TSPAN2: variants seen among roughly 807,000 people sequenced by gnomAD.
The protein encoded by TSPAN2 is tetraspanin-2.
Under a neutral mutation model 33.3 loss-of-function variants are expected in TSPAN2, and 24 were observed. That is an observed-to-expected ratio of 0.72 (90% CI 0.52 to 1.01). TSPAN2 has a LOEUF of 1.01. Among genes scored for constraint, TSPAN2 ranks in the 50% least tolerant of loss-of-function variants. The probability of loss-of-function intolerance (pLI) is 0.00; values close to 1 mark genes in which losing one functional copy is unlikely to be tolerated. For missense variants in TSPAN2, 278 were observed against 281.3 expected (o/e 0.99, Z 0.08); for synonymous variants, 114 against 104.5 (o/e 1.09, Z -0.56).
intron 2 of TSPAN2, among the ~76,000 whole-genome samples, chr1:115,068,381 C>T (rs1286898406): frequency 6.6e-6 from 1 of 152,236 alleles, no homozygotes; most frequent in East Asian, 1.9e-4. Flanking sequence ...CAAAGTCTGG[C>T]AGTCATCTAC....
At chr1:115,072,388 T>G (rs1324362818) in intron 2 of TSPAN2, among the ~76,000 whole-genome samples, 2 of 152,144 alleles carry the variant, frequency 1.3e-5, no homozygotes, top group Non-Finnish European at 2.9e-5. Flanking sequence ...ATGGAGAGAC[T>G]GAGATTAGCA....
At chr1:115,074,735 G>A (rs1268995093) in intron 1 of TSPAN2, among the ~76,000 whole-genome samples, 5 of 152,204 alleles carry the variant, frequency 3.3e-5, no homozygotes, top group Admixed American at 1.3e-4. Flanking sequence ...AGTGTTACAC[G>A]GTAGTTTCTA....
intron 1 of TSPAN2, 143 bp from the exon 2 acceptor site, chr1:115,073,150 A>C: frequency 1.4e-6 from 1 of 699,048 alleles, no homozygotes; most frequent in Non-Finnish European, 2.5e-6. Flanking sequence ...AGGGGAGAAA[A>C]TGAAGGCTCA....
At chr1:115,074,842 G>C (rs571783567) in intron 1 of TSPAN2, among the ~76,000 whole-genome samples, 2 of 152,258 alleles carry the variant, frequency 1.3e-5, no homozygotes, top group Non-Finnish European at 2.9e-5. Flanking sequence ...GTGTAGGAAA[G>C]AGAGCAATGC....
intron 1 of TSPAN2, among the ~76,000 whole-genome samples, chr1:115,079,137 C>CCACACA (rs202132434): frequency 0.069 from 10,085 of 146,710 alleles, 515 homozygotes; most frequent in African/African-American, 0.15. Flanking sequence ...AATTATAGCG[C>CCACACA]CACACACACA....
chr1:115,050,617 G>A, intron 7 of TSPAN2, 62 bp from the exon 8 acceptor site: 1 of 1,367,342 alleles, frequency 7.3e-7, no homozygotes, highest in Non-Finnish European at 1.0e-6. Flanking sequence ...AAAAAGTTCA[G>A]CAGACTTCCT....
chr1:115,065,818 T>C (rs1647928677), intron 2 of TSPAN2, among the ~76,000 whole-genome samples: 1 of 152,230 alleles, frequency 6.6e-6, no homozygotes, highest in Admixed American at 6.5e-5. Context: ...ATAATTTTCC[T>C]ACTGTTCTAT....
At chr1:115,073,051 G>T in intron 1 of TSPAN2, 44 bp from the exon 2 acceptor site, 1 of 1,539,396 alleles carries the variant, frequency 6.5e-7, no homozygotes, top group Non-Finnish European at 9.0e-7. Flanking sequence ...AGGGGAAAGA[G>T]CATGCACAGA....
At chr1:115,078,179 T>G (rs1648491452) in intron 1 of TSPAN2, among the ~76,000 whole-genome samples, 1 of 152,194 alleles carries the variant, frequency 6.6e-6, no homozygotes, top group Admixed American at 6.5e-5. Context: ...GCTCTAACAT[T>G]AATTCCTCAG....
chr1:115,050,642 A>G (rs757112509), intron 7 of TSPAN2, 87 bp from the exon 8 acceptor site: 14 of 1,005,014 alleles, frequency 1.4e-5, no homozygotes, highest in Non-Finnish European at 2.0e-5. Flanking sequence ...GTCTAACTCA[A>G]GTTAACAAAT....
chr1:115,057,489 T>G, intron 6 of TSPAN2, 48 bp downstream of exon 6: 1 of 1,561,910 alleles, frequency 6.4e-7, no homozygotes, highest in Non-Finnish European at 8.8e-7. Flanking sequence ...CTTCCTAAGC[T>G]AGCAGCATGA....
At chr1:115,068,058 C>T (rs778820038) in intron 2 of TSPAN2, among the ~76,000 whole-genome samples, 8 of 152,192 alleles carry the variant, frequency 5.3e-5, no homozygotes, top group Non-Finnish European at 1.0e-4. Context: ...CAGCGTCACT[C>T]CTGCCAGGTC....
At chr1:115,087,916 C>T (rs1449245015) in intron 1 of TSPAN2, among the ~76,000 whole-genome samples, 2 of 152,144 alleles carry the variant, frequency 1.3e-5, no homozygotes, top group Admixed American at 1.3e-4. Context: ...CTTAAGAATT[C>T]CTCCTCAGGC....
intron 4 of TSPAN2, 55 bp from the exon 5 acceptor site, chr1:115,059,036 C>T: frequency 7.5e-7 from 1 of 1,337,976 alleles, no homozygotes; most frequent in South Asian, 1.2e-5. Context: ...TTCAAACATT[C>T]TCCTTTCATC....
intron 5 of TSPAN2, 43 bp from the exon 6 acceptor site, chr1:115,057,651 T>G: frequency 6.3e-7 from 1 of 1,595,360 alleles, no homozygotes; most frequent in Non-Finnish European, 8.6e-7. Context: ...GCGGGAGGAG[T>G]AGCAGCTACA....
At chr1:115,085,062 A>G (rs1419925691) in intron 1 of TSPAN2, among the ~76,000 whole-genome samples, 2 of 152,222 alleles carry the variant, frequency 1.3e-5, no homozygotes, top group African/African-American at 2.4e-5. Flanking sequence ...TTTTCCTTTA[A>G]GCCAACATAT....
intron 1 of TSPAN2, among the ~76,000 whole-genome samples, chr1:115,082,594 C>G (rs949174303): frequency 6.6e-6 from 1 of 152,006 alleles, no homozygotes; most frequent in Non-Finnish European, 1.5e-5. Context: ...TGATATATAC[C>G]CTTTCTCAAT....
At chr1:115,060,733 A>G (rs962298833) in intron 3 of TSPAN2, among the ~76,000 whole-genome samples, 195 bp from the exon 4 acceptor site, 1 of 152,224 alleles carries the variant, frequency 6.6e-6, no homozygotes. Flanking sequence ...TCAGTGGTGA[A>G]CAAGATAATA....
At position 115,059,281 on chromosome 1, in the gene TSPAN2, T is replaced by TAA. The variant is rs11439084; in HGVS notation, c.346-302_346-301dup. ...CTGTTCCCCACAAAACCTGTAGAAA[T>TAA]AAAAAAAAATACTGCCTTTCCATAG... On this transcript the variant is annotated intron_variant, in intron 4 of 7. Coordinates refer to ENST00000369516, the MANE Select transcript of TSPAN2 (RefSeq NM_005725.6). Among the ~76,000 whole-genome samples the TAA allele has an allele frequency of 5.7e-3, 862 of 151,332 alleles. 5 individuals are homozygous for TAA. The highest frequency in any genetic ancestry group is 0.019 in the African/African-American group (794 of 41,264).
Sources: allele counts gnomAD v4.1 joint callset (sites outside exome capture counted in the v4.1 genomes callset), GRCh38; gene constraint gnomAD v4.1.1; transcripts MANE v1.5; gene names NCBI Gene and HGNC (gene_info 2026-07-23, HGNC 2026-07-21).